DIRAS1: variants seen among roughly 807,000 people sequenced by gnomAD.
The protein encoded by DIRAS1 is GTP-binding protein Di-Ras1.
DIRAS1 carries 3 observed loss-of-function variants against 11.5 expected under a neutral mutation model. The ratio of observed to expected loss-of-function variants is 0.26; its 90% CI spans 0.12 to 0.67. DIRAS1 has a LOEUF of 0.67. DIRAS1 is among the 30% of genes least tolerant of loss of function. The probability of loss-of-function intolerance (pLI) is 0.80; values close to 1 mark genes in which losing one functional copy is unlikely to be tolerated. For synonymous variants in DIRAS1, 128 were observed against 125.8 expected, an observed-to-expected ratio of 1.02 and a Z score of -0.12; for missense variants, 212 against 285.3, an observed-to-expected ratio of 0.74 and a Z score of 1.85.
chr19:2,715,761 G>C lies in DIRAS1; in HGVS notation c.*1449C>G, dbSNP rs1426181409. ...ATTGCTAGAGTCATGTTGCTATAGA[G>C]TGGAACACAGATCGTGTCCCTCAAT... On this transcript the variant is annotated 3_prime_UTR_variant, in exon 2 of 2. Transcript: ENST00000323469. 1 of 152,236 alleles carries C rather than the reference G, an allele frequency of 6.6e-6. No individual in the cohort carries two copies. Among genetic ancestry groups the C allele is most frequent in the Non-Finnish European group, 1.5e-5 (1 of 68,054 alleles). The allele number at this position is 152,236 out of a possible 1,614,324, so 9.4% of individuals were successfully genotyped here.
At chr19:2,720,490 A>G (rs1396012619) in intron 1 of DIRAS1, among the ~76,000 whole-genome samples, 6 of 152,076 alleles carry the variant, frequency 3.9e-5, no homozygotes. Flanking sequence ...TCAAGGTCAC[A>G]GAGCAGGGGG....
Position 2,717,590 on chromosome 19 carries a change from G to A in DIRAS1, c.217C>T (p.Arg73Cys), listed in dbSNP as rs1214960983. 1.9e-6 allele frequency: 3 copies of A among 1,613,194 alleles called. No homozygotes were observed. The highest frequency in any genetic ancestry group is 1.3e-5 in the African/African-American group (1 of 75,074). ...GCGTGGCCCTTGGAGATGGACAGGCGCTGCATGGCCGGGAACTGGTGGCTG... is the reference window on the plus strand; with the variant it reads ...GCGTGGCCCTTGGAGATGGACAGGCACTGCATGGCCGGGAACTGGTGGCTG... ...TGSHQFPAMQ[R>C]LSISKGHAFI... Residue 73 changes from arginine (R) to cysteine (C), a missense_variant, in exon 2 of 2, where the codon CGC becomes TGC. By Grantham distance (180) the Arg-to-Cys change is radical. Transcript: ENST00000323469.
intron 1 of DIRAS1, 82 bp downstream of exon 1, chr19:2,721,222 G>A (rs1227974039): frequency 6.7e-6 from 1 of 150,320 alleles, no homozygotes; most frequent in African/African-American, 2.4e-5. Flanking sequence ...GGCTGGGGCC[G>A]GGACAAAGGA....
intron 1 of DIRAS1, among the ~76,000 whole-genome samples, chr19:2,720,497 G>A (rs773568296): frequency 6.6e-6 from 1 of 152,220 alleles, no homozygotes; most frequent in African/African-American, 2.4e-5. Flanking sequence ...CACAGAGCAG[G>A]GGGGTGGAGG....
chr19:2,719,946 T>C (rs183931051), intron 1 of DIRAS1, among the ~76,000 whole-genome samples: 1 of 152,158 alleles, frequency 6.6e-6, no homozygotes, highest in Non-Finnish European at 1.5e-5. Context: ...TTCTGGATTA[T>C]CAAGGGTAAC....
rs1249732240 is a variant in DIRAS1, at chr19:2,718,902, C to T, written c.-69-1027G>A. Among the ~76,000 whole-genome samples the T allele has an allele frequency of 6.6e-6, 1 of 152,070 alleles. No homozygotes were observed. The highest frequency in any genetic ancestry group is 1.5e-5 in the Non-Finnish European group (1 of 67,998). ...GTGGTGCAATCTCGGCTCACTGCAA[C>T]CTCTGCCTCCTCGGTTCAAGCAATT... On this transcript the variant is annotated intron_variant, in intron 1 of 1. Coordinates refer to ENST00000323469, the MANE Select transcript of DIRAS1 (RefSeq NM_145173.4). This position sits in a 1 kb window ranked among gnomAD's most constrained non-coding sequence, Gnocchi z 4.2.
At chr19:2,721,148 CG>C (rs1406117781) in intron 1 of DIRAS1, among the ~76,000 whole-genome samples, 155 bp downstream of exon 1, 1 of 136,358 alleles carries the variant, frequency 7.3e-6, no homozygotes, top group Non-Finnish European at 1.6e-5. Flanking sequence ...CGGGAAGGGA[CG>C]GGGGACGCCC....
Position 2,718,210 on chromosome 19 carries a change from C to T in DIRAS1, c.-69-335G>A, listed in dbSNP as rs981905185. Among the ~76,000 whole-genome samples, 3 of 152,208 alleles carry T rather than the reference C, an allele frequency of 2.0e-5. No individual in the cohort carries two copies. Among genetic ancestry groups the T allele is most frequent in the African/African-American group, 7.2e-5 (3 of 41,464 alleles). ...TCCCTTCCAGGCTGTGCCAGCTTCC[C>T]CCTCTCTTCCCAGTGTGGCAGGGGC... On this transcript the variant is annotated intron_variant, in intron 1 of 1. Coordinates refer to ENST00000323469, the MANE Select transcript of DIRAS1 (RefSeq NM_145173.4). The surrounding 1 kb of genome is among the most constrained non-coding windows in gnomAD (Gnocchi z 4.2).
At chr19:2,720,926 C>T (rs867920855) in intron 1 of DIRAS1, among the ~76,000 whole-genome samples, 3 of 148,094 alleles carry the variant, frequency 2.0e-5, no homozygotes, top group Non-Finnish European at 3.0e-5. Context: ...GGGGAGGGGG[C>T]GCGGAGGGAG....
Position 2,717,889 on chromosome 19 carries a change from A to G in DIRAS1, c.-69-14T>C, listed in dbSNP as rs1256481617. ...CCCAGACCGAGCCTGTGCAGAGAGGAGGGTCACACGTCAAAGGCCACCCAG... is the reference window on the plus strand; with the variant it reads ...CCCAGACCGAGCCTGTGCAGAGAGGGGGGTCACACGTCAAAGGCCACCCAG... On this transcript the variant is annotated splice_polypyrimidine_tract_variant and intron_variant, in intron 1 of 1. Transcript: ENST00000323469. The G allele has an allele frequency of 7.2e-7, 1 of 1,398,146 alleles. No homozygotes were observed. Among genetic ancestry groups the G allele is most frequent in the Middle Eastern group, 2.1e-4 (1 of 4,706 alleles). 86.6% of individuals were successfully genotyped at this position (1,398,146 alleles called of 1,614,324 possible).
In DIRAS1 at chr19:2,717,146, T is replaced by A. The variant is rs866466185; in HGVS notation, c.*64A>T. On this transcript the variant is annotated 3_prime_UTR_variant, in exon 2 of 2. Coordinates refer to ENST00000323469, the MANE Select transcript of DIRAS1 (RefSeq NM_145173.4). ...GAAGAGGAGGAGGCCGAGGAGGGTG[T>A]CGGTGTTGGGGGAGGCAGCGGGGGT... 1.8e-5 allele frequency: 25 copies of A among 1,352,458 alleles called. No homozygotes were observed. In the Middle Eastern group the frequency reaches 1.7e-3, roughly 90 times the overall value. The allele number at this position is 1,352,458 out of a possible 1,614,324, so 83.8% of individuals were successfully genotyped here.
rs1913805846 is a variant in DIRAS1 at position 2,716,599 on chromosome 19, AG to A, written c.*610del. 1 of 152,502 alleles carries A rather than the reference AG, an allele frequency of 6.6e-6. No individual in the cohort carries two copies. Among genetic ancestry groups the A allele is most frequent in the African/African-American group, 2.4e-5 (1 of 41,280 alleles). The allele number at this position is 152,502 out of a possible 1,614,324, so 9.4% of individuals were successfully genotyped here. On this transcript the variant is annotated 3_prime_UTR_variant, in exon 2 of 2. Coordinates refer to ENST00000323469, the MANE Select transcript of DIRAS1 (RefSeq NM_145173.4). ...CCTGTGGTTATTGCCTGGTGGCCTG[AG>A]GCCCATCCCACGGGCCCCACACCCC... is the stretch of plus-strand genomic sequence containing the variant.
chr19:2,719,036 G>A (rs1913893502), intron 1 of DIRAS1: 1 of 152,166 alleles, frequency 6.6e-6, no homozygotes, highest in African/African-American at 2.4e-5. Context: ...GGCCAGGCTG[G>A]TCTTGAACTC....
intron 1 of DIRAS1, chr19:2,719,073 G>C (rs529114762): frequency 6.6e-6 from 1 of 152,178 alleles, no homozygotes; most frequent in African/African-American, 2.4e-5. Flanking sequence ...CTCTCGCCTC[G>C]GGCTCCCAAA....
chr19:2,715,372 C>G lies in DIRAS1; in HGVS notation c.*1838G>C, dbSNP rs1599474871. ...TTCCCTCACTAACTTAGCTGCCATGCTCCGAGCCCCGCTGTGGAGAGACCC... is the reference window on the plus strand; with the variant it reads ...TTCCCTCACTAACTTAGCTGCCATGGTCCGAGCCCCGCTGTGGAGAGACCC... On this transcript the variant is annotated 3_prime_UTR_variant, in exon 2 of 2. Coordinates refer to ENST00000323469, the MANE Select transcript of DIRAS1 (RefSeq NM_145173.4). 3 of 152,368 alleles carry G rather than the reference C, an allele frequency of 2.0e-5. No homozygotes were observed. The Middle Eastern group carries it at 0.01, about 518-fold the overall frequency. 9.4% of individuals were successfully genotyped at this position (152,368 alleles called of 1,614,324 possible). A position where few individuals can be genotyped will look rare whatever the true frequency, so the allele number is the denominator to read the frequency against.
rs748189055 is a variant in DIRAS1 at position 2,717,167 on chromosome 19, G to A, written c.*43C>T. 4 of 1,531,048 alleles carry A rather than the reference G, an allele frequency of 2.6e-6. No individual in the cohort carries two copies. In the South Asian group the frequency reaches 4.9e-5, roughly 19 times the overall value. The allele number at this position is 1,531,048 out of a possible 1,614,324, so 94.8% of individuals were successfully genotyped here. On this transcript the variant is annotated 3_prime_UTR_variant, in exon 2 of 2. Transcript: ENST00000323469. Reference sequence around the variant, plus strand: ...GGTGTCGGTGTTGGGGGAGGCAGCGGGGGTCAGTGGGGGTGGGCGGCGGGC... The same window carrying A: ...GGTGTCGGTGTTGGGGGAGGCAGCGAGGGTCAGTGGGGGTGGGCGGCGGGC...
chr19:2,717,513 C>T lies in DIRAS1; in HGVS notation c.294G>A (p.Gly98=). The T allele has an allele frequency of 6.2e-7, 1 of 1,612,918 alleles. No individual in the cohort carries two copies. Among genetic ancestry groups the T allele is most frequent in the Non-Finnish European group, 8.5e-7 (1 of 1,179,952 alleles). The change falls in exon 2 of 2, where the codon GGG becomes GGA. Residue 98 remains glycine, a synonymous_variant. Coordinates refer to ENST00000323469, the MANE Select transcript of DIRAS1 (RefSeq NM_145173.4). ...VTSKQSLEEL[G]PIYKLIVQIK... ...TCTGCACGATGAGCTTGTAGATGGG[C>T]CCCAGCTCCTCCAGCGACTGCTTGC...
At position 2,718,266 on chromosome 19, in the gene DIRAS1, T is replaced by C. The variant is rs1913874076; in HGVS notation, c.-69-391A>G. On this transcript the variant is annotated intron_variant, in intron 1 of 1. Coordinates refer to ENST00000323469, the MANE Select transcript of DIRAS1 (RefSeq NM_145173.4). This position sits in a 1 kb window ranked among gnomAD's most constrained non-coding sequence, Gnocchi z 4.2. ...GAAGCTAGCAGGCCTGGCTTCCACC[T>C]CTCGCTCCACACCTGCCTGGCTCTG... Among the ~76,000 whole-genome samples the C allele has an allele frequency of 6.7e-6, 1 of 149,676 alleles. No homozygotes were observed. Among genetic ancestry groups the C allele is most frequent in the African/African-American group, 2.5e-5 (1 of 40,538 alleles).
In DIRAS1 at chr19:2,721,366, C is replaced by T. The variant is rs1913954757; in HGVS notation, c.-132G>A. 1 of 146,406 alleles carries T rather than the reference C, an allele frequency of 6.8e-6. No individual in the cohort carries two copies. Among genetic ancestry groups the T allele is most frequent in the Non-Finnish European group, 1.5e-5 (1 of 65,662 alleles). The allele number at this position is 146,406 out of a possible 1,614,324, so 9.1% of individuals were successfully genotyped here. A position where few individuals can be genotyped will look rare whatever the true frequency, so the allele number is the denominator to read the frequency against. On this transcript the variant is annotated 5_prime_UTR_variant, in exon 1 of 2. Coordinates refer to ENST00000323469, the MANE Select transcript of DIRAS1 (RefSeq NM_145173.4). ...TCCTGCCCGCTCCGGTGTCCGCTGG[C>T]GCCGCCGCCCCCCGCCCGCCCGAGC...
Sources: gnomAD v4.1 joint callset for allele counts (sites outside exome capture counted in the v4.1 genomes callset) on GRCh38, gnomAD v4.1.1 for gene constraint, Gnocchi (gnomAD v3.1) non-coding constraint, MANE v1.5 for transcripts, NCBI Gene and HGNC (gene_info 2026-07-23, HGNC 2026-07-21) for gene names.